Variants in LAMA3 observed in about 807,000 individuals in gnomAD.
LAMA3 encodes laminin subunit alpha-3.
Under a neutral mutation model 402.0 loss-of-function variants are expected in LAMA3, and 281 were observed. The ratio of observed to expected loss-of-function variants is 0.70; its 90% CI spans 0.63 to 0.77. The LOEUF is 0.77. LAMA3 is among the 30% of genes least tolerant of loss of function. The pLI is 0.00. For synonymous variants in LAMA3, 1,431 were observed against 1,558.4 expected, an observed-to-expected ratio of 0.92 and a Z score of 1.93; for missense variants, 3,840 against 4,215.5, an observed-to-expected ratio of 0.91 and a Z score of 2.47.
intron 32 of LAMA3, among the ~76,000 whole-genome samples, chr18:23,849,676 C>T (rs948064264): frequency 6.6e-6 from 1 of 152,168 alleles, no homozygotes; most frequent in Non-Finnish European, 1.5e-5. Context: ...CAAACTGTCA[C>T]TGCCAATGAT....
intron 1 of LAMA3, among the ~76,000 whole-genome samples, chr18:23,700,396 G>T (rs2060770734): frequency 6.6e-6 from 1 of 152,092 alleles, no homozygotes; most frequent in South Asian, 2.1e-4. Context: ...TTGAAAAATT[G>T]GGCTTTAAGA....
intron 68 of LAMA3, among the ~76,000 whole-genome samples, chr18:23,941,456 T>A (rs975180286): frequency 6.6e-6 from 1 of 152,138 alleles, no homozygotes; most frequent in African/African-American, 2.4e-5. Flanking sequence ...AGTAACATTT[T>A]AAAAGGTAAA....
intron 1 of LAMA3, among the ~76,000 whole-genome samples, chr18:23,693,105 A>T (rs1370598732): frequency 6.6e-6 from 1 of 152,222 alleles, no homozygotes. Context: ...GCACTTTGGG[A>T]GGCCGAGGTG....
chr18:23,904,084 A>G lies in LAMA3; in HGVS notation c.6470A>G (p.Glu2157Gly). 1 of 1,613,516 alleles carries G rather than the reference A, an allele frequency of 6.2e-7. No homozygotes were observed. The highest frequency in any genetic ancestry group is 1.1e-5 in the South Asian group (1 of 91,052). Residue 2157 changes from glutamate to glycine, a missense_variant, in exon 50 of 75, where the codon GAA (glutamate) becomes GGA (glycine). Glu to Gly is a moderately conservative substitution (Grantham distance 98). Coordinates refer to ENST00000313654, the MANE Select transcript of LAMA3 (RefSeq NM_198129.4). ...TTACAAGAGCTGGCAAAGCAGCTGG[A>G]AGAGTGAGTGCATGGCCCAGGAGAC... ...RSLQELAKQL[E>G]EIKRNASGDE...
Position 23,746,713 on chromosome 18 carries a change from G to C in LAMA3, c.448-1230G>C, listed in dbSNP as rs570761359. Among the ~76,000 whole-genome samples, 178 of 151,968 alleles carry C rather than the reference G, an allele frequency of 1.2e-3. 1 individual carries two copies. The highest frequency in any genetic ancestry group is 1.7e-3 in the Non-Finnish European group (118 of 67,974). On this transcript the variant is annotated intron_variant, in intron 2 of 74. Coordinates refer to ENST00000313654, the MANE Select transcript of LAMA3 (RefSeq NM_198129.4). ...TTTTAACTTTAATTTTTAATATGGT[G>C]CACATCAATAGATAGAACTCATACA...
chr18:23,755,138 G>T (rs966326366), intron 6 of LAMA3, among the ~76,000 whole-genome samples: 8 of 152,210 alleles, frequency 5.3e-5, no homozygotes, highest in African/African-American at 1.9e-4. Context: ...CTAGAAATCA[G>T]GTCACATAAG....
At chr18:23,952,381 T>C (rs1568385088) in intron 73 of LAMA3, among the ~76,000 whole-genome samples, 1 of 152,246 alleles carries the variant, frequency 6.6e-6, no homozygotes, top group Non-Finnish European at 1.5e-5. Flanking sequence ...GACAACCCGA[T>C]GAGTAGAGAG....
chr18:23,817,827 A>C (rs2063206372), intron 18 of LAMA3, among the ~76,000 whole-genome samples: 1 of 152,208 alleles, frequency 6.6e-6, no homozygotes, highest in Non-Finnish European at 1.5e-5. Context: ...CCTGAAGACC[A>C]TTGAGCCTCC....
chr18:23,931,230 TGTGA>T (rs1325156254), intron 65 of LAMA3, 29 bp downstream of exon 65: 6 of 1,601,356 alleles, frequency 3.7e-6, no homozygotes, highest in Admixed American at 3.3e-5. Context: ...CTGTCAGAGC[TGTGA>T]GTGAGTTTTA....
rs2062006169 is a variant in LAMA3 at position 23,763,142 on chromosome 18, G to A, written c.1064-263G>A. On this transcript the variant is annotated intron_variant, in intron 7 of 74. Transcript: ENST00000313654. ...CAAAGTGCTGGAATTACAGGTGTGA[G>A]CCACTATGCCTAGCCCCAAGTAGTA... is the stretch of plus-strand genomic sequence containing the variant. Among the ~76,000 whole-genome samples, 4 of 152,206 alleles carry A rather than the reference G, an allele frequency of 2.6e-5. No homozygotes were observed. The South Asian group carries it at 8.3e-4, about 32-fold the overall frequency.
At chr18:23,741,150 G>A (rs922457874) in intron 2 of LAMA3, among the ~76,000 whole-genome samples, 7 of 151,724 alleles carry the variant, frequency 4.6e-5, no homozygotes, top group South Asian at 2.1e-4. Context: ...TAGTAGAGAC[G>A]GGGTTTCACT....
intron 6 of LAMA3, among the ~76,000 whole-genome samples, chr18:23,755,118 C>A (rs1005110966): frequency 1.3e-5 from 2 of 152,208 alleles, no homozygotes; most frequent in African/African-American, 4.8e-5. Context: ...TCTCCTATCT[C>A]CCTAAGACAC....
At chr18:23,693,381 A>C (rs2060628680) in intron 1 of LAMA3, among the ~76,000 whole-genome samples, 1 of 152,190 alleles carries the variant, frequency 6.6e-6, no homozygotes, top group Non-Finnish European at 1.5e-5. Context: ...TTACATATGT[A>C]GTTACCTATA....
chr18:23,797,761 C>G (rs577167545), intron 12 of LAMA3, among the ~76,000 whole-genome samples: 1 of 151,876 alleles, frequency 6.6e-6, no homozygotes, highest in Non-Finnish European at 1.5e-5. Flanking sequence ...AATTTTAAAA[C>G]CCTTCTAAGC....
chr18:23,845,498 A>G (rs1439872709), intron 30 of LAMA3, among the ~76,000 whole-genome samples: 1 of 151,896 alleles, frequency 6.6e-6, no homozygotes, highest in Non-Finnish European at 1.5e-5. Context: ...CCTGAGTCCC[A>G]CTCTCCTCCG....
chr18:23,839,237 C>A lies in LAMA3; in HGVS notation c.3191+359C>A, dbSNP rs115113501. Among the ~76,000 whole-genome samples the A allele has an allele frequency of 9.4e-3, 1,432 of 152,272 alleles. 18 individuals carry two copies. The highest frequency in any genetic ancestry group is 0.033 in the African/African-American group (1,362 of 41,554). ...AAACCATGAAAATAATGACCTATCT[C>A]ATAACTATGTGATGAGAATCAGCTA... On this transcript the variant is annotated intron_variant, in intron 26 of 74. Transcript: ENST00000313654. This position sits in a 1 kb window ranked among gnomAD's most constrained non-coding sequence, Gnocchi z 4.5.
chr18:23,712,058 G>A (rs2960580), intron 1 of LAMA3, among the ~76,000 whole-genome samples: 81,376 of 152,028 alleles, frequency 0.54, 23,086 homozygotes, highest in Middle Eastern at 0.63. Flanking sequence ...GGAAAATACT[G>A]ATAGTAAGTG....
intron 1 of LAMA3, among the ~76,000 whole-genome samples, chr18:23,697,051 T>C (rs2060697908): frequency 6.6e-6 from 1 of 152,210 alleles, no homozygotes; most frequent in Non-Finnish European, 1.5e-5. Flanking sequence ...ACCTTTAGAA[T>C]CATTACAAAG....
At chr18:23,834,894 G>T (rs986486537) in intron 24 of LAMA3, 9 of 152,228 alleles carry the variant, frequency 5.9e-5, no homozygotes, top group African/African-American at 1.7e-4. Context: ...GAGAATCGAT[G>T]AAATGGCTAT....
Sources: allele counts gnomAD v4.1 joint callset (sites outside exome capture counted in the v4.1 genomes callset), GRCh38; gene constraint gnomAD v4.1.1; non-coding constraint Gnocchi (gnomAD v3.1); transcripts MANE v1.5; gene names NCBI Gene and HGNC (gene_info 2026-07-23, HGNC 2026-07-21).